PLEKHG1: variants seen among roughly 807,000 people sequenced by gnomAD.
PLEKHG1 encodes the protein pleckstrin homology domain-containing family G member 1.
Under a neutral mutation model 100.8 loss-of-function variants are expected in PLEKHG1, and 44 were observed. That is an observed-to-expected ratio of 0.44 (90% confidence interval 0.34 to 0.56). PLEKHG1 has a LOEUF of 0.56. Ranked by LOEUF, PLEKHG1 falls within the 20% of genes least tolerant of loss-of-function variation. PLEKHG1 has a pLI of 0.01. For synonymous variants in PLEKHG1, 640 were observed against 662.5 expected, an observed-to-expected ratio of 0.97 and a Z score of 0.52; for missense variants, 1,545 against 1,720.9, an observed-to-expected ratio of 0.90 and a Z score of 1.81.
At chr6:150,820,634 G>GTGGGGGGAGGCTGAGT (rs1326518825) in intron 12 of PLEKHG1, among the ~76,000 whole-genome samples, 2 of 152,148 alleles carry the variant, frequency 1.3e-5, no homozygotes, top group African/African-American at 2.4e-5. Context: ...GGAGGCTGAG[G>GTGGGGGGAGGCTGAGT]TGGGAGGATC....
At chr6:150,793,129 G>C (rs889000013) in intron 4 of PLEKHG1, among the ~76,000 whole-genome samples, 2 of 152,198 alleles carry the variant, frequency 1.3e-5, no homozygotes, top group Non-Finnish European at 2.9e-5. Flanking sequence ...TTGGCTGGGT[G>C]TGGTAGCTTA....
rs115355449 is a variant in PLEKHG1 at position 150,769,738 on chromosome 6, C to T, written c.512+1000C>T. Among the ~76,000 whole-genome samples the T allele has an allele frequency of 8.6e-3, 1,293 of 150,450 alleles. 20 individuals are homozygous for T. The highest frequency in any genetic ancestry group is 0.03 in the African/African-American group (1,233 of 41,312). ...GAGTGAATCTTTAAATGGAATGAAACTAACTAACCCCTGTATGTCAAGTCT... is the reference window on the plus strand; with the variant it reads ...GAGTGAATCTTTAAATGGAATGAAATTAACTAACCCCTGTATGTCAAGTCT... On this transcript the variant is annotated intron_variant, in intron 3 of 15. Coordinates refer to ENST00000358517, the Ensembl canonical transcript of PLEKHG1.
intron 15 of PLEKHG1, among the ~76,000 whole-genome samples, chr6:150,833,041 C>A (rs929789634): frequency 4.6e-5 from 5 of 109,256 alleles, no homozygotes; most frequent in African/African-American, 1.5e-4. Flanking sequence ...CATTACTACT[C>A]AATTTTTTTT....
Position 150,683,348 on chromosome 6 carries a change from T to G in PLEKHG1, c.-99+32562T>G, listed in dbSNP as rs376183582. 8.7e-4 allele frequency among the ~76,000 whole-genome samples: 132 copies of G among 152,278 alleles called. No individual in the cohort carries two copies. The highest frequency in any genetic ancestry group is 3.0e-3 in the African/African-American group (126 of 41,546). On this transcript the variant is annotated intron_variant, in intron 3 of 3. Coordinates refer to the PLEKHG1 transcript ENST00000367326. The surrounding 1 kb of genome is among the most constrained non-coding windows in gnomAD (Gnocchi z 4.0). Reference sequence around the variant, plus strand: ...TTTCTAGATGTGTTTCCTTTCTCAGTGAGTCCCTTTTCTTGAGAGGAGAGG... The same window carrying G: ...TTTCTAGATGTGTTTCCTTTCTCAGGGAGTCCCTTTTCTTGAGAGGAGAGG...
intron 3 of PLEKHG1, among the ~76,000 whole-genome samples, chr6:150,655,508 A>G (rs1249628699): frequency 6.6e-6 from 1 of 152,036 alleles, no homozygotes; most frequent in Non-Finnish European, 1.5e-5. Context: ...GGAGATCAAG[A>G]CCATCCTGGC....
intron 2 of PLEKHG1, among the ~76,000 whole-genome samples, chr6:150,734,900 A>G (rs1222265563): frequency 6.6e-6 from 1 of 151,956 alleles, no homozygotes; most frequent in Non-Finnish European, 1.5e-5. Flanking sequence ...GTTTTAAAGG[A>G]TAAAGCAAGA....
chr6:150,719,306 A>T (rs202118699), upstream of PLEKHG1, among the ~76,000 whole-genome samples: 3 of 150,678 alleles, frequency 2.0e-5, no homozygotes, highest in African/African-American at 7.3e-5. Context: ...AAAAAAAAAA[A>T]TCCAAGTACA....
intron 1 of PLEKHG1, among the ~76,000 whole-genome samples, chr6:150,616,678 A>G (rs1777083807): frequency 6.6e-6 from 1 of 152,248 alleles, no homozygotes; most frequent in Non-Finnish European, 1.5e-5. Flanking sequence ...ATTCAGAAGC[A>G]TTCTCTTCTG....
At chr6:150,694,277 C>T (rs1032556340) in intron 3 of PLEKHG1, among the ~76,000 whole-genome samples, 1 of 152,192 alleles carries the variant, frequency 6.6e-6, no homozygotes, top group Non-Finnish European at 1.5e-5. Flanking sequence ...TCACTCCTTA[C>T]TAGTTGTGTG....
intron 3 of PLEKHG1, among the ~76,000 whole-genome samples, chr6:150,771,551 TC>T (rs1452651386): frequency 6.6e-6 from 1 of 152,074 alleles, no homozygotes; most frequent in African/African-American, 2.4e-5. Context: ...TTTTCTTTTT[TC>T]TTTTTTCTTT....
At chr6:150,684,782 C>T (rs1263593100) in intron 3 of PLEKHG1, among the ~76,000 whole-genome samples, 1 of 151,588 alleles carries the variant, frequency 6.6e-6, no homozygotes, top group Non-Finnish European at 1.5e-5. Context: ...GTGTATCTTA[C>T]AATAAGACAG....
intron 2 of PLEKHG1, among the ~76,000 whole-genome samples, chr6:150,641,684 G>A (rs1310748226): frequency 6.6e-6 from 1 of 152,088 alleles, no homozygotes; most frequent in East Asian, 1.9e-4. Flanking sequence ...CTGTTTGGTA[G>A]TAAGTGTAAA....
exon 2 of PLEKHG1, chr6:150,733,758 G>T (rs747987577): frequency 6.2e-7 from 1 of 1,614,190 alleles, no homozygotes; most frequent in South Asian, 1.1e-5. Flanking sequence ...GACAGCCATG[G>T]TTCCTTCGGC....
intron 3 of PLEKHG1, among the ~76,000 whole-genome samples, chr6:150,696,613 C>A (rs889428660): frequency 7.2e-5 from 11 of 152,080 alleles, no homozygotes; most frequent in Non-Finnish European, 1.6e-4. Context: ...ATGCAAACTG[C>A]ACAAAAGGAA....
At chr6:150,622,925 C>T (rs1453811064) in intron 1 of PLEKHG1, among the ~76,000 whole-genome samples, 1 of 152,092 alleles carries the variant, frequency 6.6e-6, no homozygotes, top group Non-Finnish European at 1.5e-5. Context: ...GGGAAAAAGA[C>T]TTGGTCAACT....
chr6:150,758,888 A>G (rs1175759588), intron 2 of PLEKHG1, among the ~76,000 whole-genome samples: 1 of 152,162 alleles, frequency 6.6e-6, no homozygotes, highest in East Asian at 1.9e-4. Flanking sequence ...TCATTTCAGA[A>G]TGATTCCTAA....
At chr6:150,739,764 T>C (rs1225409564) in intron 2 of PLEKHG1, among the ~76,000 whole-genome samples, 1 of 152,156 alleles carries the variant, frequency 6.6e-6, no homozygotes, top group Non-Finnish European at 1.5e-5. Context: ...ATGGGAAGCA[T>C]TCAGCATTAT....
intron 2 of PLEKHG1, among the ~76,000 whole-genome samples, chr6:150,737,324 G>A (rs571383772): frequency 8.3e-5 from 11 of 132,582 alleles, no homozygotes; most frequent in Admixed American, 3.6e-4. Flanking sequence ...TCGCTTTGTC[G>A]CCCAGGCTGG....
chr6:150,821,698 A>T (rs1442413588), intron 13 of PLEKHG1, among the ~76,000 whole-genome samples: 1 of 152,012 alleles, frequency 6.6e-6, no homozygotes, highest in African/African-American at 2.4e-5. Context: ...AATAATAATA[A>T]TAAAATTTAA....
Sources: allele counts gnomAD v4.1 joint callset (sites outside exome capture counted in the v4.1 genomes callset), GRCh38; gene constraint gnomAD v4.1.1; non-coding constraint Gnocchi (gnomAD v3.1); transcripts MANE v1.5; gene names NCBI Gene and HGNC (gene_info 2026-07-23, HGNC 2026-07-21).